Variants in MRGPRX2 observed in about 807,000 individuals in gnomAD.
MRGPRX2 encodes MAS related GPR family member X2, also known as mas-related G protein-coupled receptor member X2.
For missense variants in MRGPRX2, 389 were observed against 404.5 expected (o/e 0.96, Z 0.33); for synonymous variants, 183 against 175.6 (o/e 1.04, Z -0.33).
In MRGPRX2 at chr11:19,055,835, ACGCTGCAGTGATG is replaced by A. The variant is rs765376122; in HGVS notation, c.555_567del (p.Ile186GlyfsTer2). 4.3e-6 allele frequency: 7 copies of A among 1,614,118 alleles called. No homozygotes were observed. In the East Asian group the frequency reaches 1.6e-4, roughly 36 times the overall value. On this transcript the variant is annotated frameshift_variant, in exon 2 of 2. Coordinates refer to ENST00000329773, the MANE Select transcript of MRGPRX2 (RefSeq NM_054030.4). LOFTEE classifies it low-confidence loss of function (END_TRUNC). ...AGAACCATGAATAAAAAAATCAGCC[ACGCTGCAGTGATG>A]AAATCAAATGTCTGACACCAACCAG...
rs760971570 is a variant in MRGPRX2, at chr11:19,055,480, G to A, written c.923C>T (p.Ala308Val). 5 of 1,614,138 alleles carry A rather than the reference G, an allele frequency of 3.1e-6. No individual in the cohort carries two copies. The South Asian group carries it at 5.5e-5, about 18-fold the overall frequency. The change falls in exon 2 of 2, where the codon GCT becomes GTT. Residue 308 changes from alanine to valine, a missense_variant. Coordinates refer to ENST00000329773, the MANE Select transcript of MRGPRX2 (RefSeq NM_054030.4). Reference sequence around the variant, plus strand: ...GCATCCTTCACTGTGATCCACCTCAGCAATGTCCTGCAGAGCCCTCTGGAG... The same window carrying A: ...GCATCCTTCACTGTGATCCACCTCAACAATGTCCTGCAGAGCCCTCTGGAG... ...LALQRALQDI[A>V]EVDHSEGCFR...
intron 1 of MRGPRX2, among the ~76,000 whole-genome samples, chr11:19,058,552 C>A (rs1050011392): frequency 3.3e-5 from 5 of 151,926 alleles, no homozygotes; most frequent in Non-Finnish European, 5.9e-5. Flanking sequence ...TCCCGAGTAG[C>A]TGGGACTACA....
At chr11:19,059,769 T>C (rs925390485) in intron 1 of MRGPRX2, among the ~76,000 whole-genome samples, 3 of 152,220 alleles carry the variant, frequency 2.0e-5, no homozygotes, top group Admixed American at 6.5e-5. Flanking sequence ...CTTTGCATCC[T>C]GGGAGGAGAC....
chr11:19,055,713 C>A lies in MRGPRX2; in HGVS notation c.690G>T (p.Leu230=), dbSNP rs767396292. ...AGGGCAGGCCGCAGAGGAGGAACACCAGCACTGTGAGCAGGATGGTCAGGT... is the reference window on the plus strand; with the variant it reads ...AGGGCAGGCCGCAGAGGAGGAACACAAGCACTGTGAGCAGGATGGTCAGGT... ...RLYLTILLTV[L]VFLLCGLPFG... is the part of the protein sequence containing the mutation. Residue 230 remains leucine, a synonymous_variant, in exon 2 of 2, where the codon CTG becomes CTT. Transcript: ENST00000329773. The A allele has an allele frequency of 4.3e-6, 7 of 1,614,060 alleles. No homozygotes were observed. The African/African-American group carries it at 8.0e-5, about 18-fold the overall frequency.
intron 1 of MRGPRX2, among the ~76,000 whole-genome samples, chr11:19,057,466 GC>G (rs1189126282): frequency 6.6e-6 from 1 of 152,138 alleles, no homozygotes; most frequent in Non-Finnish European, 1.5e-5. Context: ...GGAGAGAGAG[GC>G]AGCAATTGAG....
rs1215465857 is a variant in MRGPRX2, at chr11:19,054,940, G to A, written c.*470C>T. On this transcript the variant is annotated 3_prime_UTR_variant, in exon 2 of 2. Transcript: ENST00000329773. ...CAACAAAGATTTATTAAGCTAGGGG[G>A]ATATTCTAAGGTCTGCCAAAATGAA... The A allele has an allele frequency of 6.5e-6, 1 of 153,332 alleles. No individual in the cohort carries two copies. The highest frequency in any genetic ancestry group is 1.5e-5 in the Non-Finnish European group (1 of 68,792). 9.5% of individuals were successfully genotyped at this position (153,332 alleles called of 1,614,324 possible).
rs563992445 is a variant in MRGPRX2, at chr11:19,055,767, G to A, written c.636C>T (p.Gly212=). 8 of 1,614,186 alleles carry A rather than the reference G, an allele frequency of 5.0e-6. No individual in the cohort carries two copies. The African/African-American group carries it at 1.1e-4, about 22-fold the overall frequency. ...GCCTGGTCAGTGGCAGACCCCTGGA[G>A]CCACAGAGGATCCTGACCAGCAGGG... is the stretch of plus-strand genomic sequence containing the variant. ...SLALLVRILC[G]SRGLPLTRLY... The change falls in exon 2 of 2, where the codon GGC becomes GGT. Residue 212 remains glycine (G), a synonymous_variant. Transcript: ENST00000329773.
Position 19,055,773 on chromosome 11 carries a change from G to T in MRGPRX2, c.630C>A (p.Leu210=). ...GSSLALLVRI[L]CGSRGLPLTR... is the part of the protein sequence containing the mutation. Reference sequence around the variant, plus strand: ...TCAGTGGCAGACCCCTGGAGCCACAGAGGATCCTGACCAGCAGGGCCAGAC... The same window carrying T: ...TCAGTGGCAGACCCCTGGAGCCACATAGGATCCTGACCAGCAGGGCCAGAC... Residue 210 remains leucine, a synonymous_variant, in exon 2 of 2, where the codon CTC becomes CTA. Coordinates refer to ENST00000329773, the MANE Select transcript of MRGPRX2 (RefSeq NM_054030.4). 6.2e-7 allele frequency: 1 copy of T among 1,614,222 alleles called. No homozygotes were observed. Among genetic ancestry groups the T allele is most frequent in the South Asian group, 1.1e-5 (1 of 91,080 alleles).
At position 19,058,918 on chromosome 11, in the gene MRGPRX2, A is replaced by T. The variant is rs570798286; in HGVS notation, c.-26+1701T>A. Among the ~76,000 whole-genome samples the T allele has an allele frequency of 1.8e-3, 272 of 152,308 alleles. 1 individual carries two copies. Among genetic ancestry groups the T allele is most frequent in the Middle Eastern group, 3.4e-3 (1 of 294 alleles). On this transcript the variant is annotated intron_variant, in intron 1 of 1. Transcript: ENST00000329773. ...TGTACAAAAGAGTTTCCTGAATCAC[A>T]TGGTGAAAAGCAGGTCCAATACCAG... is the stretch of plus-strand genomic sequence containing the variant.
In MRGPRX2 at chr11:19,056,298, G is replaced by A. The variant is rs1849618987; in HGVS notation, c.105C>T (p.Phe35=). The stretch of plus-strand genomic sequence containing the variant: ...CGACCAGGGCAATGAAAAGGATCAG[G>A]AAGACCGGGATCAGGGTCTCCTTGC... The part of the protein sequence containing the change: ...LCGKETLIPV[F]LILFIALVGL... The change falls in exon 2 of 2, where the codon TTC becomes TTT. Residue 35 remains phenylalanine, a synonymous_variant. Coordinates refer to ENST00000329773, the MANE Select transcript of MRGPRX2 (RefSeq NM_054030.4). 3 of 1,614,130 alleles carry A rather than the reference G, an allele frequency of 1.9e-6. No homozygotes were observed. Among genetic ancestry groups the A allele is most frequent in the African/African-American group, 2.7e-5 (2 of 74,944 alleles).
chr11:19,058,799 G>A (rs1296913656), intron 1 of MRGPRX2, among the ~76,000 whole-genome samples: 1 of 152,066 alleles, frequency 6.6e-6, no homozygotes, highest in African/African-American at 2.4e-5. Context: ...TTTTGTTGTG[G>A]TTGTTCACTA....
chr11:19,056,403 G>A lies in MRGPRX2; in HGVS notation c.-1C>T. 1 of 1,605,164 alleles carries A rather than the reference G, an allele frequency of 6.2e-7. No individual in the cohort carries two copies. Among genetic ancestry groups the A allele is most frequent in the Non-Finnish European group, 8.5e-7 (1 of 1,173,280 alleles). On this transcript the variant is annotated 5_prime_UTR_variant, in exon 2 of 2. Transcript: ENST00000329773. The stretch of plus-strand genomic sequence containing the variant: ...CCCAGGCCGGGGTGGTTGGATCCAT[G>A]CTCAGAAAACCTCCACTGGTGCCCC...
At chr11:19,058,662 G>A (rs1849640840) in intron 1 of MRGPRX2, among the ~76,000 whole-genome samples, 1 of 151,916 alleles carries the variant, frequency 6.6e-6, no homozygotes, top group African/African-American at 2.4e-5. Flanking sequence ...TTCTGACCTT[G>A]TGATCTGCCC....
chr11:19,055,260 G>A lies in MRGPRX2; in HGVS notation c.*150C>T. On this transcript the variant is annotated 3_prime_UTR_variant, in exon 2 of 2. Coordinates refer to ENST00000329773, the MANE Select transcript of MRGPRX2 (RefSeq NM_054030.4). Reference sequence around the variant, plus strand: ...TCCAGAGACACTGCACTTAGTGTTTGTTTCATAGGCACTGTCTCACTTAAT... The same window carrying A: ...TCCAGAGACACTGCACTTAGTGTTTATTTCATAGGCACTGTCTCACTTAAT... 2.6e-6 allele frequency: 2 copies of A among 782,312 alleles called. No homozygotes were observed. Among genetic ancestry groups the A allele is most frequent in the African/African-American group, 1.7e-5 (1 of 57,868 alleles). 48.5% of individuals were successfully genotyped at this position (782,312 alleles called of 1,614,324 possible).
chr11:19,055,784 C>G lies in MRGPRX2; in HGVS notation c.619G>C (p.Val207Leu), dbSNP rs1849609917. The G allele has an allele frequency of 1.2e-6, 2 of 1,613,990 alleles. No homozygotes were observed. Among genetic ancestry groups the G allele is most frequent in the African/African-American group, 1.3e-5 (1 of 74,896 alleles). Residue 207 changes from valine to leucine, a missense_variant, in exon 2 of 2, where the codon GTC becomes CTC. By Grantham distance (32) the Val-to-Leu change is conservative. Coordinates refer to ENST00000329773, the MANE Select transcript of MRGPRX2 (RefSeq NM_054030.4). ...CCCCTGGAGCCACAGAGGATCCTGA[C>G]CAGCAGGGCCAGACTGGACCCACAG... ...VLCGSSLALL[V>L]RILCGSRGLP...
chr11:19,057,964 T>C (rs1319116521), intron 1 of MRGPRX2, among the ~76,000 whole-genome samples: 1 of 152,186 alleles, frequency 6.6e-6, no homozygotes, highest in African/African-American at 2.4e-5. Context: ...AAGGGTTCAA[T>C]ACCAACTACA....
chr11:19,055,952 C>T lies in MRGPRX2; in HGVS notation c.451G>A (p.Val151Ile). 6.2e-7 allele frequency: 1 copy of T among 1,614,224 alleles called. No homozygotes were observed. Among genetic ancestry groups the T allele is most frequent in the Non-Finnish European group, 8.5e-7 (1 of 1,180,044 alleles). ...RPRHLSAVVC[V>I]LLWALSLLLS... The stretch of plus-strand genomic sequence containing the variant: ...AGTAGGGACAGGGCCCAGAGCAGGA[C>T]ACACACGACCGCTGACAGGTGTCTG... The change falls in exon 2 of 2, where the codon GTC becomes ATC. Residue 151 changes from valine (V) to isoleucine (I), a missense_variant. Coordinates refer to ENST00000329773, the MANE Select transcript of MRGPRX2 (RefSeq NM_054030.4).
chr11:19,056,280 G>A lies in MRGPRX2; in HGVS notation c.123C>T (p.Ala41=). The part of the protein sequence containing the change: ...LIPVFLILFI[A]LVGLVGNGFV... ...ACCCGTTTCCTACCAGCCCGACCAGGGCAATGAAAAGGATCAGGAAGACCG... is the reference window on the plus strand; with the variant it reads ...ACCCGTTTCCTACCAGCCCGACCAGAGCAATGAAAAGGATCAGGAAGACCG... Residue 41 remains alanine, a synonymous_variant, in exon 2 of 2, where the codon GCC becomes GCT. Transcript: ENST00000329773. The A allele has an allele frequency of 1.2e-6, 2 of 1,614,212 alleles. No individual in the cohort carries two copies.
At chr11:19,059,502 T>G (rs889717414) in intron 1 of MRGPRX2, among the ~76,000 whole-genome samples, 1 of 152,196 alleles carries the variant, frequency 6.6e-6, no homozygotes, top group African/African-American at 2.4e-5. Context: ...GGAGTACCTA[T>G]GTACTCCCAA....
Sources: gnomAD v4.1 joint callset for allele counts (sites outside exome capture counted in the v4.1 genomes callset) on GRCh38, gnomAD v4.1.1 for gene constraint, MANE v1.5 for transcripts, NCBI Gene and HGNC (gene_info 2026-07-23, HGNC 2026-07-21) for gene names.